The following MKRN2OS variants were observed in gnomAD, a reference collection of about 807,000 sequenced individuals.
MKRN2OS encodes the protein MKRN2 opposite strand.
A neutral mutation model predicts 18.2 loss-of-function variants in MKRN2OS; 17 were observed. That is an observed-to-expected ratio of 0.93 (90% confidence interval 0.64 to 1.40). The LOEUF is 1.40. Ranked by LOEUF, MKRN2OS falls within the 40% of genes most tolerant of loss-of-function variation. MKRN2OS has a pLI of 0.00. For missense variants in MKRN2OS, 337 were observed against 283.0 expected (o/e 1.19, Z -1.37); for synonymous variants, 121 against 108.5 (o/e 1.12, Z -0.72).
At position 12,557,109 on chromosome 3, in the gene MKRN2OS, C is replaced by T. The variant is rs774419189; in HGVS notation, n.265-2975G>A. 6 of 1,484,788 alleles carry T rather than the reference C, an allele frequency of 4.0e-6. No individual in the cohort carries two copies. In the South Asian group the frequency reaches 6.3e-5, roughly 16 times the overall value. The allele number at this position is 1,484,788 out of a possible 1,614,324, so 92.0% of individuals were successfully genotyped here. A position where few individuals can be genotyped will look rare whatever the true frequency, so the allele number is the denominator to read the frequency against. ...GCCAAGGCCGAGGCGGCAGCGGCTG[C>T]GAGAGGCGGCGGCACGACGACGGTC... On this transcript the variant is annotated intron_variant and non_coding_transcript_variant, in intron 1 of 1. Coordinates refer to the MKRN2OS transcript ENST00000447550.
intron 1 of MKRN2OS, among the ~76,000 whole-genome samples, chr3:12,557,469 G>A (rs1575512937): frequency 1.3e-5 from 2 of 152,250 alleles, no homozygotes; most frequent in East Asian, 3.8e-4. Context: ...CGTGCAGGAT[G>A]CCGGGGCGCT....
intron 1 of MKRN2OS, among the ~76,000 whole-genome samples, chr3:12,558,377 A>G (rs972851251): frequency 1.3e-5 from 2 of 152,170 alleles, no homozygotes; most frequent in African/African-American, 4.8e-5. Context: ...TTATTTGTAT[A>G]AAGTTTCTCC....
chr3:12,551,654 G>A (rs1246331848), downstream of MKRN2OS, among the ~76,000 whole-genome samples: 2 of 152,180 alleles, frequency 1.3e-5, no homozygotes, highest in East Asian at 1.9e-4. Flanking sequence ...AAAAAATCAA[G>A]GCCAGGCATA....
chr3:12,540,413 T>C lies in MKRN2OS; in HGVS notation c.452A>G (p.Asn151Ser), dbSNP rs1053647843. 7 of 1,535,904 alleles carry C rather than the reference T, an allele frequency of 4.6e-6. No individual in the cohort carries two copies. Among genetic ancestry groups the C allele is most frequent in the Non-Finnish European group, 6.1e-6 (7 of 1,146,890 alleles). Reference protein sequence around the residue: ...LPHRYEDNHHNCYSYALTFIN... With the variant: ...LPHRYEDNHHSCYSYALTFIN... ...GAACGTGAGTGCGTAAGAGTAGCAG[T>C]TATGGTGGTTGTCTTCATACCTTAT... Residue 151 changes from asparagine to serine, a missense_variant, in exon 4 of 4, where the codon AAC (asparagine) becomes AGC (serine). By Grantham distance (46) the Asn-to-Ser change is conservative (BLOSUM62 1). Coordinates refer to ENST00000564146, the MANE Select transcript of MKRN2OS (RefSeq NM_001195279.2).
At chr3:12,554,987 T>A (rs575494458) in intron 1 of MKRN2OS, among the ~76,000 whole-genome samples, 2 of 152,290 alleles carry the variant, frequency 1.3e-5, no homozygotes, top group East Asian at 3.9e-4. Flanking sequence ...ATGTATTCCA[T>A]AAAGAATGAG....
At chr3:12,558,696 T>G (rs2058006822) in intron 1 of MKRN2OS, among the ~76,000 whole-genome samples, 1 of 152,246 alleles carries the variant, frequency 6.6e-6, no homozygotes, top group Non-Finnish European at 1.5e-5. Flanking sequence ...TTTTTCCTTG[T>G]ATACCTGGAG....
At chr3:12,557,215 C>T (rs758291130) in intron 1 of MKRN2OS, 954 of 1,529,382 alleles carry the variant, frequency 6.2e-4, no homozygotes, top group Non-Finnish European at 7.6e-4. Context: ...GCCGCTCCCC[C>T]AGGCCGCAGG....
At chr3:12,545,164 G>A in intron 1 of MKRN2OS, 83 bp downstream of exon 1, 2 of 1,116,224 alleles carry the variant, frequency 1.8e-6, no homozygotes, top group Non-Finnish European at 2.5e-6. Context: ...CACACATTAT[G>A]TATTAAGAAA....
downstream of MKRN2OS, among the ~76,000 whole-genome samples, chr3:12,553,343 T>C (rs919108776): frequency 6.6e-6 from 1 of 152,020 alleles, no homozygotes; most frequent in Non-Finnish European, 1.5e-5. Flanking sequence ...TCCTGAGCAA[T>C]TGGGTAGGGT....
chr3:12,541,096 G>T (rs2057801919), intron 3 of MKRN2OS, among the ~76,000 whole-genome samples: 1 of 151,558 alleles, frequency 6.6e-6, no homozygotes. Context: ...TTATTTCGGG[G>T]GAAACCTCCA....
At chr3:12,551,583 A>G (rs1255591586), downstream of MKRN2OS, among the ~76,000 whole-genome samples, 1 of 152,164 alleles carries the variant, frequency 6.6e-6, no homozygotes, top group Non-Finnish European at 1.5e-5. Flanking sequence ...ATAAATAAAG[A>G]ACAAATAACA....
chr3:12,540,224 G>T lies in MKRN2OS; in HGVS notation c.641C>A (p.Ala214Glu). ...CAAACCGCCGCCCTCAGGGGGTTGT[G>T]CCTGCTGCTGGGGACAGTCAGTGAC... is the stretch of plus-strand genomic sequence containing the variant. ...FYVTDCPQQQ[A>E]QPPEGGGLC Residue 214 changes from alanine to glutamate, a missense_variant, in exon 4 of 4, where the codon GCA becomes GAA. Coordinates refer to ENST00000564146, the MANE Select transcript of MKRN2OS (RefSeq NM_001195279.2). 6.5e-7 allele frequency: 1 copy of T among 1,536,136 alleles called. No homozygotes were observed. Among genetic ancestry groups the T allele is most frequent in the Non-Finnish European group, 8.7e-7 (1 of 1,146,908 alleles).
At chr3:12,549,919 T>A (rs1240391282), upstream of MKRN2OS, among the ~76,000 whole-genome samples, 2 of 152,192 alleles carry the variant, frequency 1.3e-5, no homozygotes, top group Non-Finnish European at 2.9e-5. Context: ...CCTAGTAGAA[T>A]GGCTAAAATC....
intron 1 of MKRN2OS, chr3:12,557,322 G>T: frequency 8.4e-7 from 1 of 1,188,312 alleles, no homozygotes; most frequent in African/African-American, 1.6e-5. Context: ...TTGCGAGGCA[G>T]AGCGAGCGCT....
upstream of MKRN2OS, among the ~76,000 whole-genome samples, chr3:12,549,142 A>G (rs2057909710): frequency 6.6e-6 from 1 of 152,050 alleles, no homozygotes. Flanking sequence ...CTATATTCTA[A>G]TAGAGTTGGC....
chr3:12,540,224 G>C lies in MKRN2OS; in HGVS notation c.641C>G (p.Ala214Gly). The C allele has an allele frequency of 6.5e-7, 1 of 1,536,136 alleles. No homozygotes were observed. The highest frequency in any genetic ancestry group is 1.4e-5 in the African/African-American group (1 of 73,168). ...CAAACCGCCGCCCTCAGGGGGTTGTGCCTGCTGCTGGGGACAGTCAGTGAC... is the reference window on the plus strand; with the variant it reads ...CAAACCGCCGCCCTCAGGGGGTTGTCCCTGCTGCTGGGGACAGTCAGTGAC... ...FYVTDCPQQQAQPPEGGGLC is the reference protein window; with the variant it reads ...FYVTDCPQQQGQPPEGGGLC The change falls in exon 4 of 4, where the codon GCA becomes GGA. Residue 214 changes from alanine (A) to glycine (G), a missense_variant. Coordinates refer to ENST00000564146, the MANE Select transcript of MKRN2OS (RefSeq NM_001195279.2).
chr3:12,551,572 GATAA>G (rs985568499), downstream of MKRN2OS, among the ~76,000 whole-genome samples: 35 of 151,814 alleles, frequency 2.3e-4, no homozygotes, highest in African/African-American at 4.6e-4. Flanking sequence ...TACACGAAAG[GATAA>G]ATAAAGAACA....
chr3:12,540,514 G>A, intron 3 of MKRN2OS, 81 bp from the exon 4 acceptor site: 2 of 1,507,346 alleles, frequency 1.3e-6, no homozygotes, highest in Admixed American at 4.0e-5. Flanking sequence ...TTTCCTAACT[G>A]AAATCGGGTG....
At chr3:12,557,996 A>AT (rs2125297713) in intron 1 of MKRN2OS, among the ~76,000 whole-genome samples, 1 of 152,348 alleles carries the variant, frequency 6.6e-6, no homozygotes, top group Non-Finnish European at 1.5e-5. Context: ...CTTACTGGTA[A>AT]TGGAGTCTAG....
Sources: gnomAD v4.1 joint callset for allele counts (sites outside exome capture counted in the v4.1 genomes callset) on GRCh38, gnomAD v4.1.1 for gene constraint, MANE v1.5 for transcripts, NCBI Gene and HGNC (gene_info 2026-07-23, HGNC 2026-07-21) for gene names.